PRELID2: variants seen among roughly 807,000 people sequenced by gnomAD.
The protein encoded by PRELID2 is PRELI domain-containing protein 2.
A neutral mutation model predicts 28.4 loss-of-function variants in PRELID2; 25 were observed. The observed-to-expected ratio is 0.88, with a 90% CI of 0.64 to 1.23. The LOEUF is 1.23. Ranked by LOEUF, PRELID2 falls within the 50% of genes most tolerant of loss-of-function variation. The pLI is 0.00. For missense variants in PRELID2, 201 were observed against 214.4 expected (o/e 0.94, Z 0.39); for synonymous variants, 76 against 71.6 (o/e 1.06, Z -0.31).
At chr5:145,606,726 CTTTA>C (rs1753509746) in intron 1 of PRELID2, among the ~76,000 whole-genome samples, 1 of 151,964 alleles carries the variant, frequency 6.6e-6, no homozygotes, top group Non-Finnish European at 1.5e-5. Flanking sequence ...CTGAATTTTT[CTTTA>C]TTTATTGTGT....
At chr5:145,579,219 A>T (rs1753087390) in intron 1 of PRELID2, among the ~76,000 whole-genome samples, 1 of 152,106 alleles carries the variant, frequency 6.6e-6, no homozygotes, top group Non-Finnish European at 1.5e-5. Context: ...ATATAACATG[A>T]TTATTATGCA....
At chr5:145,314,439 A>T in the PRELID2 span, among the ~76,000 whole-genome samples, 7 of 152,252 alleles carry the variant, frequency 4.6e-5, no homozygotes, top group East Asian at 9.6e-4. Flanking sequence ...TTGTACTAGA[A>T]ATCTCTTACA....
At chr5:145,265,551 T>C in the PRELID2 span, among the ~76,000 whole-genome samples, 3 of 152,106 alleles carry the variant, frequency 2.0e-5, no homozygotes, top group Non-Finnish European at 4.4e-5. Context: ...AGACATCACA[T>C]TACCTGGATT....
chr5:145,330,510 A>G, the PRELID2 span, among the ~76,000 whole-genome samples: 1 of 152,164 alleles, frequency 6.6e-6, no homozygotes, highest in Admixed American at 6.5e-5. Context: ...GGGAGAGCGT[A>G]TGTGTCCAGG....
intron 1 of PRELID2, among the ~76,000 whole-genome samples, chr5:145,479,416 G>A (rs539092071): frequency 1.3e-5 from 2 of 152,184 alleles, no homozygotes; most frequent in African/African-American, 2.4e-5. Context: ...CCTACCTCCT[G>A]TTCATCCTGC....
intron 1 of PRELID2, among the ~76,000 whole-genome samples, chr5:145,604,372 C>T (rs778871365): frequency 6.6e-6 from 1 of 151,982 alleles, no homozygotes; most frequent in Non-Finnish European, 1.5e-5. Context: ...TGCACTAGTT[C>T]GCTTAGGATA....
chr5:145,686,236 C>T (rs1275431419), intron 1 of PRELID2, among the ~76,000 whole-genome samples: 2 of 152,156 alleles, frequency 1.3e-5, no homozygotes, highest in African/African-American at 2.4e-5. Flanking sequence ...AGATTATAAA[C>T]TCCCTGTAGG....
the PRELID2 span, among the ~76,000 whole-genome samples, chr5:145,285,613 G>T: frequency 6.6e-6 from 1 of 152,036 alleles, no homozygotes; most frequent in African/African-American, 2.4e-5. Context: ...AGTGATATTG[G>T]CTAGAGCTCC....
chr5:145,383,908 A>G, the PRELID2 span, among the ~76,000 whole-genome samples: 1 of 152,062 alleles, frequency 6.6e-6, no homozygotes, highest in Non-Finnish European at 1.5e-5. Context: ...GTGTGTGTGT[A>G]TATATGTATG....
intron 2 of PRELID2, among the ~76,000 whole-genome samples, 180 bp from the exon 3 acceptor site, chr5:145,820,198 T>C (rs564693186): frequency 6.6e-5 from 10 of 150,964 alleles, no homozygotes; most frequent in Admixed American, 3.3e-4. Flanking sequence ...ACCTCCTGGG[T>C]TCAAGGGATT....
the PRELID2 span, among the ~76,000 whole-genome samples, chr5:145,324,227 T>C: frequency 2.6e-5 from 4 of 152,134 alleles, no homozygotes; most frequent in Admixed American, 2.6e-4. Context: ...ACACTGTGGA[T>C]GTCATTGTAG....
chr5:145,236,599 T>C, the PRELID2 span, among the ~76,000 whole-genome samples: 1 of 152,142 alleles, frequency 6.6e-6, no homozygotes, highest in African/African-American at 2.4e-5. Flanking sequence ...TTTTCCCAAG[T>C]GCAGAACAAA....
intron 1 of PRELID2, among the ~76,000 whole-genome samples, chr5:145,501,305 T>G (rs1023705558): frequency 6.6e-6 from 1 of 152,192 alleles, no homozygotes; most frequent in African/African-American, 2.4e-5. Flanking sequence ...ACTCTGCTAC[T>G]TGATTTAAAA....
At chr5:145,319,568 G>T in the PRELID2 span, among the ~76,000 whole-genome samples, 23 of 152,036 alleles carry the variant, frequency 1.5e-4, no homozygotes, top group Admixed American at 6.6e-5. Context: ...CTATTCAGGA[G>T]GCTGAGGCAG....
chr5:145,551,531 G>A (rs1287036389), intron 1 of PRELID2, among the ~76,000 whole-genome samples: 1 of 152,170 alleles, frequency 6.6e-6, no homozygotes, highest in African/African-American at 2.4e-5. Flanking sequence ...CACAAGTGAT[G>A]ACCAAAATTG....
intron 1 of PRELID2, among the ~76,000 whole-genome samples, chr5:145,732,373 C>T (rs1194568632): frequency 6.6e-6 from 1 of 152,188 alleles, no homozygotes; most frequent in Admixed American, 6.5e-5. Context: ...ATCATTAGTG[C>T]TAGAGGTGGA....
chr5:145,490,243 T>G (rs1478314428), intron 1 of PRELID2, among the ~76,000 whole-genome samples: 1 of 152,204 alleles, frequency 6.6e-6, no homozygotes, highest in African/African-American at 2.4e-5. Context: ...TAAAATTTCC[T>G]TTTTTGTACT....
chr5:145,657,578 G>A (rs1218226741), intron 1 of PRELID2, among the ~76,000 whole-genome samples: 5 of 152,108 alleles, frequency 3.3e-5, no homozygotes, highest in African/African-American at 7.2e-5. Flanking sequence ...CTAGCTACTC[G>A]GAAGGTTGAG....
At chr5:145,354,603 G>C in the PRELID2 span, among the ~76,000 whole-genome samples, 2 of 151,986 alleles carry the variant, frequency 1.3e-5, no homozygotes, top group Non-Finnish European at 2.9e-5. Flanking sequence ...TTTGCTTCCT[G>C]TCTCACCTCC....
Sources: allele counts gnomAD v4.1 joint callset (sites outside exome capture counted in the v4.1 genomes callset), GRCh38; gene constraint gnomAD v4.1.1; transcripts MANE v1.5; gene names NCBI Gene and HGNC (gene_info 2026-07-23, HGNC 2026-07-21).